FRMPD1: variants seen among roughly 807,000 people sequenced by gnomAD.
The protein encoded by FRMPD1 is FERM and PDZ domain containing 1.
Under a neutral mutation model 117.8 loss-of-function variants are expected in FRMPD1, and 76 were observed. The observed-to-expected ratio is 0.65, with a 90% CI of 0.54 to 0.78. The LOEUF (loss-of-function observed/expected upper bound fraction) is 0.78. FRMPD1 is among the 30% of genes least tolerant of loss of function. The pLI is 0.00. For missense variants in FRMPD1, 1,786 were observed against 1,964.5 expected (o/e 0.91, Z 1.72); for synonymous variants, 783 against 770.4 (o/e 1.02, Z -0.27).
the FRMPD1 span, among the ~76,000 whole-genome samples, chr9:37,614,365 A>G: frequency 6.6e-6 from 1 of 152,242 alleles, no homozygotes; most frequent in Non-Finnish European, 1.5e-5. Context: ...TGGGATCCCA[A>G]TGAGACAGGC....
At chr9:37,728,979 A>T (rs576468858) in intron 7 of FRMPD1, among the ~76,000 whole-genome samples, 1 of 141,448 alleles carries the variant, frequency 7.1e-6, no homozygotes, top group South Asian at 2.3e-4. Context: ...AAAAAAAAAA[A>T]GTTTCACTCA....
chr9:37,610,343 A>G, the FRMPD1 span, among the ~76,000 whole-genome samples: 1 of 152,210 alleles, frequency 6.6e-6, no homozygotes, highest in Non-Finnish European at 1.5e-5. Flanking sequence ...AGTGGCCAGA[A>G]CAGTGTCTAG....
chr9:37,742,565 G>A (rs915531673), intron 15 of FRMPD1, among the ~76,000 whole-genome samples: 1 of 152,172 alleles, frequency 6.6e-6, no homozygotes, highest in African/African-American at 2.4e-5. Context: ...GCAGTCAAAT[G>A]TGACTGGGCA....
At chr9:37,678,211 C>T (rs1002570464) in intron 1 of FRMPD1, among the ~76,000 whole-genome samples, 3 of 142,724 alleles carry the variant, frequency 2.1e-5, no homozygotes, top group Admixed American at 7.1e-5. Flanking sequence ...TTCAAGGCAT[C>T]GATGCTGATT....
intron 1 of FRMPD1, among the ~76,000 whole-genome samples, chr9:37,670,570 A>C (rs1045774138): frequency 1.3e-5 from 2 of 152,224 alleles, no homozygotes; most frequent in African/African-American, 4.8e-5. Flanking sequence ...GGTTATGTGA[A>C]GATGATTAGA....
At chr9:37,634,529 T>G in the FRMPD1 span, among the ~76,000 whole-genome samples, 1 of 152,228 alleles carries the variant, frequency 6.6e-6, no homozygotes, top group Admixed American at 6.5e-5. Context: ...CTCATAATCC[T>G]TGTCCTTCCT....
rs1186409709 is a variant in FRMPD1, at chr9:37,745,341, G to A, written c.3309G>A (p.Glu1103=). 2.5e-6 allele frequency: 4 copies of A among 1,613,186 alleles called. No individual in the cohort carries two copies. Among genetic ancestry groups the A allele is most frequent in the East Asian group, 2.2e-5 (1 of 44,888 alleles). Residue 1103 remains glutamate (E), a synonymous_variant, in exon 16 of 16, where the codon GAG becomes GAA. Transcript: ENST00000377765. ...TAGCTTCTATCCCTACAAAGGAAGA[G>A]CCACAAGGACAACTATCTCTGGAAA... The part of the protein sequence containing the change: ...EKIASIPTKE[E]PQGQLSLERD...
At chr9:37,672,156 A>G (rs1821372971) in intron 1 of FRMPD1, among the ~76,000 whole-genome samples, 1 of 152,212 alleles carries the variant, frequency 6.6e-6, no homozygotes, top group South Asian at 2.1e-4. Context: ...TGAATATACT[A>G]AAAACCATTG....
rs747635072 is a variant in FRMPD1, at chr9:37,704,827, C to CT, written c.102-2576dup. ...CATTAAATCTCTATTTAATTTAGAA[C>CT]TTTTTTTTTTTTTGATACTTAGTGT... On this transcript the variant is annotated intron_variant, in intron 2 of 15. Coordinates refer to ENST00000377765, the MANE Select transcript of FRMPD1 (RefSeq NM_014907.3). 1.6e-3 allele frequency among the ~76,000 whole-genome samples: 226 copies of CT among 144,274 alleles called. 1 individual carries two copies. Among genetic ancestry groups the CT allele is most frequent in the African/African-American group, 3.7e-3 (146 of 39,706 alleles). The allele number at this position is 144,274 out of a possible 152,430, so 94.6% of individuals were successfully genotyped here.
At chr9:37,722,901 T>C (rs1274607620) in intron 6 of FRMPD1, among the ~76,000 whole-genome samples, 1 of 152,168 alleles carries the variant, frequency 6.6e-6, no homozygotes, top group East Asian at 1.9e-4. Context: ...TAGCATTAGG[T>C]ATATTCTTAC....
At chr9:37,662,538 T>A (rs943758564) in intron 1 of FRMPD1, among the ~76,000 whole-genome samples, 1 of 152,132 alleles carries the variant, frequency 6.6e-6, no homozygotes, top group Non-Finnish European at 1.5e-5. Context: ...GGCTGAGGGA[T>A]CGGAACCAGA....
chr9:37,619,635 A>G, the FRMPD1 span, among the ~76,000 whole-genome samples: 1 of 151,928 alleles, frequency 6.6e-6, no homozygotes, highest in Non-Finnish European at 1.5e-5. Flanking sequence ...GTGGGTGCCT[A>G]TAATCCCAGC....
intron 15 of FRMPD1, among the ~76,000 whole-genome samples, chr9:37,741,708 G>A (rs542048368): frequency 2.0e-5 from 3 of 152,136 alleles, no homozygotes; most frequent in Non-Finnish European, 4.4e-5. Context: ...TCTGTGACAT[G>A]GCCTCTGCCT....
At chr9:37,610,423 C>CTTTAT in the FRMPD1 span, among the ~76,000 whole-genome samples, 1,842 of 151,990 alleles carry the variant, frequency 0.012, 30 homozygotes, top group African/African-American at 0.035. Flanking sequence ...ACTTGCTTGA[C>CTTTAT]TTTATTTTAT....
chr9:37,745,977 T>G lies in FRMPD1; in HGVS notation c.3945T>G (p.Ser1315=). ...EVSASLRVAT[S]LGFAGMNEMV... ...CTGCCAGTCTCAGGGTGGCCACATC[T>G]TTGGGTTTTGCAGGCATGAATGAGA... The change falls in exon 16 of 16, where the codon TCT becomes TCG. Residue 1315 remains serine (S), a synonymous_variant. Transcript: ENST00000377765. 6.2e-7 allele frequency: 1 copy of G among 1,614,222 alleles called. No individual in the cohort carries two copies. The highest frequency in any genetic ancestry group is 2.2e-5 in the East Asian group (1 of 44,890).
chr9:37,695,414 A>G (rs1264682810), intron 2 of FRMPD1, among the ~76,000 whole-genome samples: 1 of 152,170 alleles, frequency 6.6e-6, no homozygotes, highest in Admixed American at 6.5e-5. Context: ...ATGATATTAA[A>G]CATCTTCCCA....
intron 1 of FRMPD1, among the ~76,000 whole-genome samples, chr9:37,684,382 G>A (rs1034233331): frequency 2.6e-5 from 4 of 152,218 alleles, no homozygotes; most frequent in African/African-American, 9.7e-5. Context: ...TGCTTAGCTA[G>A]TGCATGGCAC....
At chr9:37,605,329 A>C in the FRMPD1 span, among the ~76,000 whole-genome samples, 2 of 152,228 alleles carry the variant, frequency 1.3e-5, no homozygotes, top group African/African-American at 4.8e-5. Flanking sequence ...GAGGGCTGGC[A>C]ACAAAGCCCA....
the FRMPD1 span, chr9:37,637,377 C>A: frequency 9.7e-6 from 7 of 718,478 alleles, no homozygotes; most frequent in South Asian, 3.0e-5. Context: ...GATGTTTTTT[C>A]AATTTTAGAA....
Sources: gnomAD v4.1 joint callset for allele counts (sites outside exome capture counted in the v4.1 genomes callset) on GRCh38, gnomAD v4.1.1 for gene constraint, MANE v1.5 for transcripts, NCBI Gene and HGNC (gene_info 2026-07-23, HGNC 2026-07-21) for gene names.